ZBTB45: variants seen among roughly 807,000 people sequenced by gnomAD.
ZBTB45 encodes the protein zinc finger and BTB domain containing 45.
Under a neutral mutation model 28.4 loss-of-function variants are expected in ZBTB45, and 22 were observed. That is an observed-to-expected ratio of 0.77 (90% CI 0.55 to 1.10). The LOEUF is 1.10. Among genes scored for constraint, ZBTB45 ranks in the 50% least tolerant of loss-of-function variants. The pLI, the probability that ZBTB45 is intolerant of heterozygous loss-of-function variation, is 0.00. For synonymous variants in ZBTB45, 361 were observed against 332.3 expected (o/e 1.09, Z -0.94); for missense variants, 656 against 750.2 (o/e 0.87, Z 1.47).
chr19:58,538,221 CTTT>C (rs550208279), intron 1 of ZBTB45, among the ~76,000 whole-genome samples: 1 of 147,328 alleles, frequency 6.8e-6, no homozygotes, highest in African/African-American at 2.5e-5. Context: ...CTTTTCTTTT[CTTT>C]TTTTTTTAAA....
chr19:58,531,263 G>C (rs1157894406), intron 1 of ZBTB45, among the ~76,000 whole-genome samples: 1 of 152,160 alleles, frequency 6.6e-6, no homozygotes, highest in Admixed American at 6.5e-5. Context: ...TTGGCCATTT[G>C]TATATGTTCT....
intron 1 of ZBTB45, among the ~76,000 whole-genome samples, chr19:58,526,594 G>C (rs1439332619): frequency 3.1e-5 from 4 of 130,202 alleles, no homozygotes; most frequent in East Asian, 4.6e-4. Context: ...TGCAGTGGCG[G>C]GATCTCGGCT....
At chr19:58,532,556 T>C (rs1215159237) in intron 1 of ZBTB45, among the ~76,000 whole-genome samples, 1 of 152,086 alleles carries the variant, frequency 6.6e-6, no homozygotes, top group African/African-American at 2.4e-5. Flanking sequence ...TGTCTTTTCT[T>C]TTTTTTTGAG....
chr19:58,526,830 CTAT>C (rs2053610521), intron 1 of ZBTB45, among the ~76,000 whole-genome samples: 1 of 151,572 alleles, frequency 6.6e-6, no homozygotes, highest in Non-Finnish European at 1.5e-5. Flanking sequence ...CGCGCCCGGC[CTAT>C]TATTATTTTT....
chr19:58,513,748 G>A lies in ZBTB45; in HGVS notation c.*306C>T, dbSNP rs1292436295. ...CCCAGGAGAGGGCGGGGTGAGAACC[G>A]GAGTCAAATCTTGGGCCGGGTCCAA... On this transcript the variant is annotated 3_prime_UTR_variant, in exon 3 of 3. Coordinates refer to ENST00000594051, the MANE Select transcript of ZBTB45 (RefSeq NM_001316979.2). 3.2e-6 allele frequency: 1 copy of A among 315,880 alleles called. No homozygotes were observed. Among genetic ancestry groups the A allele is most frequent in the Non-Finnish European group, 5.8e-6 (1 of 173,844 alleles). The allele number at this position is 315,880 out of a possible 1,614,324, so 19.6% of individuals were successfully genotyped here.
chr19:58,516,664 C>T lies in ZBTB45; in HGVS notation c.1010G>A (p.Gly337Asp), dbSNP rs750821878. 30 of 1,565,060 alleles carry T rather than the reference C, an allele frequency of 1.9e-5. 1 individual carries two copies. In the South Asian group the frequency reaches 3.4e-4, roughly 18 times the overall value. Residue 337 changes from glycine to aspartate, a missense_variant, in exon 2 of 3, where the codon GGT (glycine) becomes GAT (aspartate). Physicochemically the swap from Gly to Asp is moderately conservative, Grantham distance 94. Transcript: ENST00000594051. This position sits in a 1 kb window ranked among gnomAD's most constrained non-coding sequence, Gnocchi z 6.2. ...GGGTGGTGCGGGTGGCCCAGGGGCA[C>T]CCAAGTGAAAGGGGAAGAGTGCAAC... ...PPVALFPFHL[G>D]APGPPAPPPS... is the part of the protein sequence containing the mutation.
chr19:58,521,735 A>T (rs147221148), upstream of ZBTB45, among the ~76,000 whole-genome samples: 117 of 152,244 alleles, frequency 7.7e-4, 1 homozygote, highest in East Asian at 0.02. Flanking sequence ...CATTCCTCAC[A>T]TTTCCCTCAC....
At chr19:58,514,496 G>T (rs1568639139) in intron 2 of ZBTB45, among the ~76,000 whole-genome samples, 186 bp from the exon 3 acceptor site, 1 of 151,970 alleles carries the variant, frequency 6.6e-6, no homozygotes, top group East Asian at 1.9e-4. Context: ...TGCCCAGCAG[G>T]GACACCCCCT....
intron 1 of ZBTB45, among the ~76,000 whole-genome samples, chr19:58,527,994 C>T (rs1362040006): frequency 1.3e-5 from 2 of 152,080 alleles, no homozygotes; most frequent in African/African-American, 4.8e-5. Context: ...CTCAGCTACT[C>T]GGAGGCTGAG....
chr19:58,517,556 G>A lies in ZBTB45; in HGVS notation c.118C>T (p.Arg40Cys), dbSNP rs747624433. 51 of 1,613,644 alleles carry A rather than the reference G, an allele frequency of 3.2e-5. No homozygotes were observed. Among genetic ancestry groups the A allele is most frequent in the East Asian group, 4.5e-5 (2 of 44,888 alleles). Residue 40 changes from arginine to cysteine, a missense_variant, in exon 2 of 3, where the codon CGT (arginine) becomes TGT (cysteine). Coordinates refer to ENST00000594051, the MANE Select transcript of ZBTB45 (RefSeq NM_001316979.2). ...GHFCDVTVRI[R>C]EASLRAHRCV... is the part of the protein sequence containing the mutation. ...CGGTGGGCACGCAGCGAAGCTTCAC[G>A]AATGCGCACAGTCACGTCACAGAAG...
chr19:58,513,985 C>G lies in ZBTB45; in HGVS notation c.*69G>C. The G allele has an allele frequency of 7.4e-7, 1 of 1,349,170 alleles. No individual in the cohort carries two copies. Among genetic ancestry groups the G allele is most frequent in the Non-Finnish European group, 9.5e-7 (1 of 1,056,198 alleles). 83.6% of individuals were successfully genotyped at this position (1,349,170 alleles called of 1,614,324 possible). A position where few individuals can be genotyped will look rare whatever the true frequency, so the allele number is the denominator to read the frequency against. ...GTCTAGTGGCGGGAACCACGGGTCC[C>G]GCAGCGGGCGTGGCCGACTGTGCGG... On this transcript the variant is annotated 3_prime_UTR_variant, in exon 3 of 3. Transcript: ENST00000594051.
At chr19:58,520,597 A>G (rs2053569088), upstream of ZBTB45, among the ~76,000 whole-genome samples, 1 of 152,234 alleles carries the variant, frequency 6.6e-6, no homozygotes, top group African/African-American at 2.4e-5. Flanking sequence ...TGGTAGGTCC[A>G]AGGTATCATA....
intron 1 of ZBTB45, among the ~76,000 whole-genome samples, chr19:58,537,785 G>C (rs954745765): frequency 1.3e-5 from 2 of 151,902 alleles, no homozygotes; most frequent in Non-Finnish European, 2.9e-5. Flanking sequence ...CCCCTCTCCC[G>C]TGATTTTGGG....
upstream of ZBTB45, among the ~76,000 whole-genome samples, chr19:58,523,742 C>G (rs534599675): frequency 0.012 from 1,663 of 136,718 alleles, 15 homozygotes; most frequent in Middle Eastern, 0.037. Context: ...GCAATCCTGG[C>G]TCACTGCAAG....
Position 58,527,464 on chromosome 19 carries a change from T to C in ZBTB45, c.1-9791A>G, listed in dbSNP as rs192625123. ...CCCCATGAATCTGTCCATGGATGTG[T>C]CTGCTTGACATTTCCTATCAGTGGA... On this transcript the variant is annotated intron_variant, in intron 1 of 1. Coordinates refer to the ZBTB45 transcript ENST00000600130. 3.8e-3 allele frequency among the ~76,000 whole-genome samples: 577 copies of C among 152,278 alleles called. 2 individuals carry two copies. Among genetic ancestry groups the C allele is most frequent in the African/African-American group, 0.013 (532 of 41,566 alleles).
At position 58,513,931 on chromosome 19, in the gene ZBTB45, G is replaced by A. The variant is rs2053449648; in HGVS notation, c.*123C>T. ...GGTATGGAGAAAGGGTGAAGGGAGA[G>A]AGAGGACCTGCGCTCAGGAGGGAGC... is the stretch of plus-strand genomic sequence containing the variant. On this transcript the variant is annotated 3_prime_UTR_variant, in exon 3 of 3. Transcript: ENST00000594051. 8.4e-7 allele frequency: 1 copy of A among 1,192,724 alleles called. No individual in the cohort carries two copies. The highest frequency in any genetic ancestry group is 3.1e-5 in the East Asian group (1 of 32,352). 73.9% of individuals were successfully genotyped at this position (1,192,724 alleles called of 1,614,324 possible).
At chr19:58,530,952 G>A (rs903816514) in intron 1 of ZBTB45, among the ~76,000 whole-genome samples, 1 of 152,170 alleles carries the variant, frequency 6.6e-6, no homozygotes, top group African/African-American at 2.4e-5. Context: ...CAAAATGCTA[G>A]GATTACAGGA....
chr19:58,525,105 A>G (rs1243758450), intron 1 of ZBTB45, among the ~76,000 whole-genome samples: 2 of 152,194 alleles, frequency 1.3e-5, no homozygotes, highest in Middle Eastern at 3.4e-3. Context: ...AGTCTTCCAG[A>G]ACCTCTCGGC....
upstream of ZBTB45, among the ~76,000 whole-genome samples, chr19:58,524,713 C>G (rs1487638413): frequency 6.6e-6 from 1 of 151,856 alleles, no homozygotes; most frequent in Non-Finnish European, 1.5e-5. Context: ...GAAACCCCAT[C>G]TCTACTAAAA....
Sources: gnomAD v4.1 joint callset for allele counts (sites outside exome capture counted in the v4.1 genomes callset) on GRCh38, gnomAD v4.1.1 for gene constraint, Gnocchi (gnomAD v3.1) non-coding constraint, MANE v1.5 for transcripts, NCBI Gene and HGNC (gene_info 2026-07-23, HGNC 2026-07-21) for gene names.